The following PKHD1 variants were observed in gnomAD, a reference collection of about 807,000 sequenced individuals.
The protein encoded by PKHD1 is PKHD1 ciliary IPT domain containing fibrocystin/polyductin.
Under a neutral mutation model 412.0 loss-of-function variants are expected in PKHD1, and 291 were observed. The observed-to-expected ratio is 0.71, with a 90% confidence interval of 0.64 to 0.78. The LOEUF is 0.78. Among genes scored for constraint, PKHD1 ranks in the 30% least tolerant of loss-of-function variants. The pLI is 0.00. For synonymous variants in PKHD1, 1,777 were observed against 1,821.5 expected, an observed-to-expected ratio of 0.98 and a Z score of 0.62; for missense variants, 4,825 against 4,950.7, an observed-to-expected ratio of 0.97 and a Z score of 0.76.
At chr6:52,027,580 G>GA (rs1169046988) in intron 31 of PKHD1, among the ~76,000 whole-genome samples, 68 of 118,212 alleles carry the variant, frequency 5.8e-4, no homozygotes, top group East Asian at 2.3e-3. Context: ...AGAAGAAAAA[G>GA]AAAAAAAAAA....
chr6:51,982,847 A>T (rs1226173509), intron 35 of PKHD1, among the ~76,000 whole-genome samples: 9 of 53,302 alleles, frequency 1.7e-4, no homozygotes, highest in Non-Finnish European at 5.7e-4. Context: ...ATAAAAAAAT[A>T]AAAAAATAAA....
In PKHD1 at chr6:51,933,335, C is replaced by A. The variant is rs1057515342; in HGVS notation, c.6121+775G>T. On this transcript the variant is annotated intron_variant, in intron 37 of 66. Coordinates refer to ENST00000371117, the MANE Select transcript of PKHD1 (RefSeq NM_138694.4). ...ATTTTCTCCTGGGAATCCTTAAACA[C>A]CCCACCTATCTGTAAGAGGATTCTA... Among the ~76,000 whole-genome samples, 40 of 152,152 alleles carry A rather than the reference C, an allele frequency of 2.6e-4. 1 individual carries two copies. The highest frequency in any genetic ancestry group is 1.5e-5 in the Non-Finnish European group (1 of 68,018).
chr6:51,894,805 T>C (rs1779641166), intron 43 of PKHD1, among the ~76,000 whole-genome samples: 2 of 152,248 alleles, frequency 1.3e-5, no homozygotes, highest in African/African-American at 4.8e-5. Flanking sequence ...CATACCAATG[T>C]CAATGTCCTG....
intron 6 of PKHD1, 97 bp from the exon 7 acceptor site, chr6:52,073,638 G>A (rs1467581617): frequency 5.2e-6 from 4 of 769,302 alleles, no homozygotes; most frequent in Non-Finnish European, 9.3e-6. Flanking sequence ...TACTCAATAT[G>A]GCAAAGCAGG....
At position 51,945,799 on chromosome 6, in the gene PKHD1, C is replaced by T. The variant is rs187590645; in HGVS notation, c.5909-11477G>A. 1.3e-3 allele frequency among the ~76,000 whole-genome samples: 198 copies of T among 152,266 alleles called. 2 individuals are homozygous for T. The highest frequency in any genetic ancestry group is 4.6e-3 in the African/African-American group (190 of 41,544). Reference sequence around the variant, plus strand: ...GGCTAAGAGGCATTCATACCTATTCCAGCCCAGAATACACAGAACCAAACT... The same window carrying T: ...GGCTAAGAGGCATTCATACCTATTCTAGCCCAGAATACACAGAACCAAACT... On this transcript the variant is annotated intron_variant, in intron 36 of 66. Transcript: ENST00000371117.
intron 35 of PKHD1, among the ~76,000 whole-genome samples, chr6:51,987,428 C>T (rs1338586693): frequency 1.3e-5 from 2 of 152,156 alleles, no homozygotes; most frequent in African/African-American, 2.4e-5. Flanking sequence ...CAAGAGTCTA[C>T]CTTATTAGCC....
At chr6:52,073,377 A>T (rs1270684327) in intron 7 of PKHD1, 86 bp downstream of exon 7, 4 of 866,412 alleles carry the variant, frequency 4.6e-6, no homozygotes, top group Non-Finnish European at 8.0e-6. Context: ...AACTGCTTAC[A>T]ATTTATTGCC....
intron 60 of PKHD1, chr6:51,682,170 A>G: frequency 6.6e-6 from 3 of 451,798 alleles, no homozygotes; most frequent in Non-Finnish European, 1.3e-5. Flanking sequence ...TTTCCTCCGA[A>G]CATATATACT....
At chr6:51,969,377 AC>A (rs1376426049) in intron 35 of PKHD1, among the ~76,000 whole-genome samples, 1 of 152,198 alleles carries the variant, frequency 6.6e-6, no homozygotes, top group Non-Finnish European at 1.5e-5. Flanking sequence ...TGAGCAGAGA[AC>A]CCATCTACTC....
intron 5 of PKHD1, among the ~76,000 whole-genome samples, chr6:52,076,888 A>G (rs544920665): frequency 4.6e-5 from 7 of 152,342 alleles, no homozygotes; most frequent in African/African-American, 1.4e-4. Flanking sequence ...GAAACTGAAG[A>G]TACCTGCTGT....
intron 33 of PKHD1, among the ~76,000 whole-genome samples, chr6:52,022,476 T>C (rs1801537131): frequency 2.0e-5 from 3 of 152,200 alleles, no homozygotes; most frequent in Admixed American, 1.3e-4. Context: ...CCATGACTCC[T>C]ATAGCTGTCA....
In PKHD1 at chr6:51,618,752, T is replaced by C. The variant is rs1766259744; in HGVS notation, c.*329A>G. The C allele has an allele frequency of 5.3e-6, 2 of 377,730 alleles. No homozygotes were observed. Among genetic ancestry groups the C allele is most frequent in the Non-Finnish European group, 1.0e-5 (2 of 198,120 alleles). The allele number at this position is 377,730 out of a possible 1,614,324, so 23.4% of individuals were successfully genotyped here. A position where few individuals can be genotyped will look rare whatever the true frequency, so the allele number is the denominator to read the frequency against. On this transcript the variant is annotated 3_prime_UTR_variant, in exon 67 of 67. Coordinates refer to ENST00000371117, the MANE Select transcript of PKHD1 (RefSeq NM_138694.4). ...GGTGGTCAATCCAGAGAATGCTTAA[T>C]AATAACCCCTGCTGGTATAAGTCAG...
intron 63 of PKHD1, among the ~76,000 whole-genome samples, chr6:51,645,594 A>G (rs919841477): frequency 5.9e-5 from 9 of 152,062 alleles, no homozygotes; most frequent in Non-Finnish European, 1.2e-4. Flanking sequence ...GCGTTTCACC[A>G]TGTTGGCCAG....
Position 52,058,373 on chromosome 6 carries a change from G to T in PKHD1, c.1462C>A (p.Arg488=), listed in dbSNP as rs139770251. ...CGGACTCGGATCTGGTGCTTCTCCCGTAGGTAAGTGGTGACCACATCAGGA... is the reference window on the plus strand; with the variant it reads ...CGGACTCGGATCTGGTGCTTCTCCCTTAGGTAAGTGGTGACCACATCAGGA... ...LNPDVVTTYL[R]EKHQIRVRAQ... is the part of the protein sequence containing the mutation. Residue 488 remains arginine, a synonymous_variant, in exon 16 of 67, where the codon CGG becomes AGG. Coordinates refer to ENST00000371117, the MANE Select transcript of PKHD1 (RefSeq NM_138694.4). 3.7e-6 allele frequency: 6 copies of T among 1,613,998 alleles called. No homozygotes were observed. The highest frequency in any genetic ancestry group is 1.7e-5 in the Admixed American group (1 of 60,002).
intron 14 of PKHD1, among the ~76,000 whole-genome samples, chr6:52,060,782 T>A (rs936244035): frequency 1.3e-5 from 2 of 152,178 alleles, no homozygotes; most frequent in African/African-American, 2.4e-5. Context: ...TACATTATCT[T>A]TATTTTTGAG....
intron 60 of PKHD1, among the ~76,000 whole-genome samples, chr6:51,697,008 G>A (rs1316227429): frequency 6.6e-6 from 1 of 152,040 alleles, no homozygotes; most frequent in Non-Finnish European, 1.5e-5. Context: ...GGCCAACATG[G>A]TGAAACCCCA....
intron 55 of PKHD1, among the ~76,000 whole-genome samples, chr6:51,768,889 G>T (rs1317457841): frequency 6.6e-6 from 1 of 151,578 alleles, no homozygotes; most frequent in Non-Finnish European, 1.5e-5. Context: ...AAGTATCCTT[G>T]TAGTCTTCAT....
At chr6:51,865,602 C>A (rs776817801) in intron 48 of PKHD1, among the ~76,000 whole-genome samples, 11 of 152,136 alleles carry the variant, frequency 7.2e-5, no homozygotes, top group Admixed American at 4.6e-4. Context: ...TCACTCCCTG[C>A]CCTCTCTGGA....
chr6:52,010,999 C>G (rs1414593203), intron 34 of PKHD1, among the ~76,000 whole-genome samples: 1 of 152,092 alleles, frequency 6.6e-6, no homozygotes, highest in Non-Finnish European at 1.5e-5. Context: ...TTCCCCCTTC[C>G]CAGCTGATGG....
Sources: allele counts gnomAD v4.1 joint callset (sites outside exome capture counted in the v4.1 genomes callset), GRCh38; gene constraint gnomAD v4.1.1; transcripts MANE v1.5; gene names NCBI Gene and HGNC (gene_info 2026-07-23, HGNC 2026-07-21).